MAN1C1: variants seen among roughly 807,000 people sequenced by gnomAD.
MAN1C1 encodes the protein mannosyl-oligosaccharide 1,2-alpha-mannosidase IC.
A neutral mutation model predicts 71.5 loss-of-function variants in MAN1C1; 49 were observed. That is an observed-to-expected ratio of 0.69 (90% CI 0.54 to 0.87). The LOEUF is 0.87. Ranked by LOEUF, MAN1C1 falls within the 40% of genes least tolerant of loss-of-function variation. The pLI is 0.00. For synonymous variants in MAN1C1, 352 were observed against 343.7 expected, an observed-to-expected ratio of 1.02 and a Z score of -0.27; for missense variants, 743 against 835.0, an observed-to-expected ratio of 0.89 and a Z score of 1.36.
chr1:25,723,855 G>A (rs1002330111), intron 2 of MAN1C1, among the ~76,000 whole-genome samples: 1 of 152,170 alleles, frequency 6.6e-6, no homozygotes, highest in African/African-American at 2.4e-5. Flanking sequence ...AAGGATTGAG[G>A]GGTACCCTCT....
intron 2 of MAN1C1, among the ~76,000 whole-genome samples, chr1:25,717,797 C>T (rs1290802611): frequency 2.0e-5 from 3 of 152,100 alleles, no homozygotes; most frequent in Non-Finnish European, 2.9e-5. Flanking sequence ...CTCCCAACCT[C>T]AGGTGATCTG....
chr1:25,712,102 C>T (rs547044518), intron 2 of MAN1C1, among the ~76,000 whole-genome samples: 68 of 152,256 alleles, frequency 4.5e-4, no homozygotes, highest in African/African-American at 1.6e-3. Context: ...TCCAGGCCCT[C>T]AATGTTGGCA....
chr1:25,780,458 C>T (rs2047677694), intron 9 of MAN1C1, among the ~76,000 whole-genome samples: 1 of 152,144 alleles, frequency 6.6e-6, no homozygotes, highest in Non-Finnish European at 1.5e-5. Context: ...TTTTCTAAGA[C>T]AAAGGGTCCC....
At chr1:25,642,368 G>A (rs542647921) in intron 1 of MAN1C1, among the ~76,000 whole-genome samples, 5 of 152,312 alleles carry the variant, frequency 3.3e-5, no homozygotes, top group South Asian at 2.1e-4. Context: ...AGGTGGTTCC[G>A]ACTCTGCAGC....
chr1:25,620,577 G>C (rs943191230), intron 1 of MAN1C1, among the ~76,000 whole-genome samples: 7 of 152,164 alleles, frequency 4.6e-5, no homozygotes, highest in African/African-American at 1.7e-4. Flanking sequence ...TCATGCCCAG[G>C]GGTAGATCAT....
intron 2 of MAN1C1, among the ~76,000 whole-genome samples, chr1:25,742,235 T>C (rs2047072377): frequency 6.6e-6 from 1 of 152,156 alleles, no homozygotes; most frequent in Non-Finnish European, 1.5e-5. Flanking sequence ...CACCCCTTCC[T>C]ACATGGGTAC....
At chr1:25,668,056 T>A (rs2045947221) in intron 1 of MAN1C1, among the ~76,000 whole-genome samples, 1 of 152,160 alleles carries the variant, frequency 6.6e-6, no homozygotes, top group African/African-American at 2.4e-5. Context: ...ACCTTATCAG[T>A]GGGTTTTACA....
intron 2 of MAN1C1, among the ~76,000 whole-genome samples, chr1:25,740,011 G>A (rs377742629): frequency 6.6e-6 from 1 of 152,168 alleles, no homozygotes; most frequent in African/African-American, 2.4e-5. Flanking sequence ...GGGCCCCCGT[G>A]GGGGCTGGAA....
At chr1:25,658,596 G>T (rs1025979309) in intron 1 of MAN1C1, among the ~76,000 whole-genome samples, 1 of 152,114 alleles carries the variant, frequency 6.6e-6, no homozygotes, top group Non-Finnish European at 1.5e-5. Flanking sequence ...GACTACAGGC[G>T]CATGCCACCA....
At chr1:25,677,869 T>A (rs2046091558) in intron 1 of MAN1C1, among the ~76,000 whole-genome samples, 1 of 148,674 alleles carries the variant, frequency 6.7e-6, no homozygotes, top group Non-Finnish European at 1.5e-5. Context: ...TTTTTTTTTT[T>A]TTTTAATCAA....
At chr1:25,708,002 A>C (rs996474843) in intron 2 of MAN1C1, among the ~76,000 whole-genome samples, 1 of 152,210 alleles carries the variant, frequency 6.6e-6, no homozygotes, top group Non-Finnish European at 1.5e-5. Context: ...TTGTTCCCAG[A>C]AAGGGGTCCC....
chr1:25,739,383 GA>G (rs1180699866), intron 2 of MAN1C1, among the ~76,000 whole-genome samples: 2 of 152,198 alleles, frequency 1.3e-5, no homozygotes, highest in Non-Finnish European at 2.9e-5. Flanking sequence ...TACAGATTAA[GA>G]AAAGTCTGTG....
chr1:25,691,201 C>T (rs1434489187), intron 2 of MAN1C1, among the ~76,000 whole-genome samples: 1 of 152,144 alleles, frequency 6.6e-6, no homozygotes, highest in African/African-American at 2.4e-5. Context: ...TCTATAATCC[C>T]AGCTGCTCGG....
At position 25,780,978 on chromosome 1, in the gene MAN1C1, G is replaced by A. The variant is rs375066144; in HGVS notation, c.1516G>A (p.Gly506Ser). 7.4e-6 allele frequency: 12 copies of A among 1,614,012 alleles called. No homozygotes were observed. The highest frequency in any genetic ancestry group is 1.1e-5 in the South Asian group (1 of 91,086). The change falls in exon 10 of 12, where the codon GGC becomes AGC. Residue 506 changes from glycine to serine, a missense_variant. Gly to Ser is a moderately conservative substitution (Grantham distance 56, BLOSUM62 0). Coordinates refer to ENST00000374332, the MANE Select transcript of MAN1C1 (RefSeq NM_020379.4). ...LGPEAFWFNS[G>S]REAVATQLSE... Reference sequence around the variant, plus strand: ...GCCTGAGGCCTTCTGGTTTAACTCCGGCAGAGAGGCCGTGGCCACCCAGCT... The same window carrying A: ...GCCTGAGGCCTTCTGGTTTAACTCCAGCAGAGAGGCCGTGGCCACCCAGCT...
intron 2 of MAN1C1, among the ~76,000 whole-genome samples, chr1:25,743,422 G>A (rs975378570): frequency 2.6e-5 from 4 of 152,190 alleles, no homozygotes; most frequent in Non-Finnish European, 4.4e-5. Context: ...CTGCCCCAGG[G>A]TGGCTGCAGG....
At chr1:25,665,538 C>T (rs2045910476) in intron 1 of MAN1C1, among the ~76,000 whole-genome samples, 1 of 152,160 alleles carries the variant, frequency 6.6e-6, no homozygotes, top group Non-Finnish European at 1.5e-5. Context: ...CGCTGTGTCC[C>T]ATTACAGACC....
chr1:25,743,485 G>A (rs575621133), intron 2 of MAN1C1, among the ~76,000 whole-genome samples: 16 of 152,294 alleles, frequency 1.1e-4, no homozygotes, highest in African/African-American at 3.8e-4. Flanking sequence ...CAGCCTGACC[G>A]CTGAGTAGCC....
chr1:25,635,858 G>C lies in MAN1C1; in HGVS notation c.540+17521G>C, dbSNP rs181627021. Among the ~76,000 whole-genome samples the C allele has an allele frequency of 9.5e-4, 144 of 152,234 alleles. 1 individual carries two copies. The highest frequency in any genetic ancestry group is 8.2e-3 in the Admixed American group (125 of 15,294). Reference sequence around the variant, plus strand: ...TTAAAAATAATTTAGCTCGGCTACTGGGGGAACCCACCCCCAATATTTCAA... The same window carrying C: ...TTAAAAATAATTTAGCTCGGCTACTCGGGGAACCCACCCCCAATATTTCAA... On this transcript the variant is annotated intron_variant, in intron 1 of 11. Transcript: ENST00000374332.
intron 10 of MAN1C1, 118 bp downstream of exon 10, chr1:25,781,230 AC>A: frequency 9.1e-7 from 1 of 1,099,672 alleles, no homozygotes; most frequent in Non-Finnish European, 1.3e-6. Context: ...TTGACCTCTG[AC>A]CACAGTTCAG....
Sources: allele counts gnomAD v4.1 joint callset (sites outside exome capture counted in the v4.1 genomes callset), GRCh38; gene constraint gnomAD v4.1.1; transcripts MANE v1.5; gene names NCBI Gene and HGNC (gene_info 2026-07-23, HGNC 2026-07-21).